ZNF211: variants seen among roughly 807,000 people sequenced by gnomAD.
ZNF211 encodes zinc finger protein 211.
A neutral mutation model predicts 12.1 loss-of-function variants in ZNF211; 18 were observed. The ratio of observed to expected loss-of-function variants is 1.48; its 90% CI spans 1.03 to 2.20. The LOEUF is 2.20. Ranked by LOEUF, ZNF211 falls within the 30% of genes most tolerant of loss-of-function variation. ZNF211 has a pLI of 0.00. For missense variants in ZNF211, 677 were observed against 703.1 expected (o/e 0.96, Z 0.42); for synonymous variants, 249 against 246.0 (o/e 1.01, Z -0.11).
At chr19:57,640,581 C>T (rs909448253) in intron 3 of ZNF211, 123 bp from the exon 4 acceptor site, 18 of 1,277,048 alleles carry the variant, frequency 1.4e-5, no homozygotes, top group South Asian at 9.3e-5. Flanking sequence ...GACCCCCCAA[C>T]TCACTTTTCC....
In ZNF211 at chr19:57,642,082, G is replaced by T. The variant is rs770655253; in HGVS notation, c.1635G>T (p.Thr545=). ...TCATTCAACACCGCAGAGTTCACAC[G>T]GGAAAAAGGCCTTATCAGTGCAGTC... ...SSLIQHRRVH[T]GKRPYQCSQC... is the part of the protein sequence containing the mutation. Residue 545 remains threonine, a synonymous_variant, in exon 4 of 4, where the codon ACG becomes ACT. Coordinates refer to ENST00000240731, the MANE Select transcript of ZNF211 (RefSeq NM_006385.5). 1 of 1,613,888 alleles carries T rather than the reference G, an allele frequency of 6.2e-7. No individual in the cohort carries two copies.
At chr19:57,633,549 G>A in intron 1 of ZNF211, 113 bp downstream of exon 1, 6 of 1,496,168 alleles carry the variant, frequency 4.0e-6, no homozygotes, top group Non-Finnish European at 5.3e-6. Flanking sequence ...CTCGTGGGTG[G>A]GGCCCCTATT....
At chr19:57,636,972 G>C (rs1160709403) in intron 3 of ZNF211, among the ~76,000 whole-genome samples, 1 of 152,106 alleles carries the variant, frequency 6.6e-6, no homozygotes, top group East Asian at 1.9e-4. Flanking sequence ...GATATAAGTG[G>C]AATTGTTTAC....
At chr19:57,639,876 A>C in intron 3 of ZNF211, 2 of 1,507,428 alleles carry the variant, frequency 1.3e-6, no homozygotes, top group South Asian at 1.2e-5. Flanking sequence ...GTTCTGGGCC[A>C]GTGTTAGTTG....
At position 57,634,123 on chromosome 19, in the gene ZNF211, A is replaced by G. The variant is rs1019287427; in HGVS notation, c.129+62A>G. On this transcript the variant is annotated intron_variant, in intron 2 of 3. Transcript: ENST00000240731. The stretch of plus-strand genomic sequence containing the variant: ...ATGTCCCTCCACCCTCCCCAGACAG[A>G]TATTTTCTTTAGATTTGTGGTGTCA... The G allele has an allele frequency of 2.8e-5, 41 of 1,484,334 alleles. No individual in the cohort carries two copies. The African/African-American group carries it at 5.5e-4, about 20-fold the overall frequency. 91.9% of individuals were successfully genotyped at this position (1,484,334 alleles called of 1,614,324 possible). A position where few individuals can be genotyped will look rare whatever the true frequency, so the allele number is the denominator to read the frequency against.
At chr19:57,638,780 C>T (rs551746838) in intron 3 of ZNF211, among the ~76,000 whole-genome samples, 79 of 152,192 alleles carry the variant, frequency 5.2e-4, no homozygotes, top group South Asian at 2.5e-3. Context: ...TTGTTCTATC[C>T]GCTGCTGAGA....
intron 3 of ZNF211, 37 bp from the exon 4 acceptor site, chr19:57,640,667 G>A: frequency 6.3e-7 from 1 of 1,599,346 alleles, no homozygotes; most frequent in Non-Finnish European, 8.5e-7. Flanking sequence ...TCCTAATAAA[G>A]GTAACATGTA....
chr19:57,638,706 C>T (rs1982452541), intron 3 of ZNF211, among the ~76,000 whole-genome samples: 1 of 152,116 alleles, frequency 6.6e-6, no homozygotes, highest in Non-Finnish European at 1.5e-5. Context: ...GGGTAGAATG[C>T]TCTTTATATA....
chr19:57,642,368 T>A lies in ZNF211; in HGVS notation c.*187T>A, dbSNP rs1983094076. Reference sequence around the variant, plus strand: ...TTAGAAAGTGTTAGACTTTCTCACCTGCCATTTATGGCTCTTGCCGTTTAT... The same window carrying A: ...TTAGAAAGTGTTAGACTTTCTCACCAGCCATTTATGGCTCTTGCCGTTTAT... On this transcript the variant is annotated 3_prime_UTR_variant, in exon 4 of 4. Transcript: ENST00000240731. 2 of 639,974 alleles carry A rather than the reference T, an allele frequency of 3.1e-6. No homozygotes were observed. Among genetic ancestry groups the A allele is most frequent in the Non-Finnish European group, 5.1e-6 (2 of 391,414 alleles). 39.6% of individuals were successfully genotyped at this position (639,974 alleles called of 1,614,324 possible).
Position 57,634,055 on chromosome 19 carries a change from T to TAA in ZNF211, c.124_125insAA (p.Thr42LysfsTer6). ...TAGCTACAGAGGTGCTTTTCAAACT[T>TAA]ACACAGGTAAGTGGAGGTATCTCAG... On this transcript the variant is annotated frameshift_variant, in exon 2 of 4. Coordinates refer to ENST00000240731, the MANE Select transcript of ZNF211 (RefSeq NM_006385.5). LOFTEE classifies it high-confidence loss of function. 6.3e-7 allele frequency: 1 copy of TAA among 1,580,248 alleles called. No individual in the cohort carries two copies. The highest frequency in any genetic ancestry group is 1.2e-5 in the South Asian group (1 of 84,992).
Position 57,640,976 on chromosome 19 carries a change from A to G in ZNF211, c.529A>G (p.Arg177Gly). ...GCAGCACATTACAGAGGCACCTTTC[A>G]GAAGTTATGTGGACACTGCCTCGTT... ...QRQHITEAPF[R>G]SYVDTASFTQ... The change falls in exon 4 of 4, where the codon AGA becomes GGA. Residue 177 changes from arginine (R) to glycine (G), a missense_variant. Transcript: ENST00000240731. The G allele has an allele frequency of 1.2e-6, 2 of 1,614,222 alleles. No individual in the cohort carries two copies. Among genetic ancestry groups the G allele is most frequent in the Non-Finnish European group, 1.7e-6 (2 of 1,180,046 alleles).
intron 3 of ZNF211, among the ~76,000 whole-genome samples, chr19:57,635,302 G>T (rs1012284547): frequency 6.6e-6 from 1 of 152,174 alleles, no homozygotes; most frequent in African/African-American, 2.4e-5. Flanking sequence ...ATATAGTTCA[G>T]CGCATTTAGT....
chr19:57,634,984 C>A (rs1189523402), intron 3 of ZNF211: 2 of 984,654 alleles, frequency 2.0e-6, no homozygotes, highest in African/African-American at 3.5e-5. Context: ...TAATAGATCC[C>A]ACCTGACTTG....
At chr19:57,635,477 G>C (rs1018504729) in intron 3 of ZNF211, among the ~76,000 whole-genome samples, 2 of 152,160 alleles carry the variant, frequency 1.3e-5, no homozygotes, top group African/African-American at 4.8e-5. Flanking sequence ...TACCTCATAT[G>C]AGTGGGATCA....
chr19:57,642,163 C>T lies in ZNF211; in HGVS notation c.1716C>T (p.His572=), dbSNP rs148051296. ...KSVLIQHQRV[H]IGEKP ...TCCTCATTCAACACCAGAGAGTTCA[C>T]ATTGGAGAAAAGCCTTAGCTGTACT... The change falls in exon 4 of 4, where the codon CAC becomes CAT. Residue 572 remains histidine, a synonymous_variant. Coordinates refer to ENST00000240731, the MANE Select transcript of ZNF211 (RefSeq NM_006385.5). 1.2e-6 allele frequency: 2 copies of T among 1,607,866 alleles called. No individual in the cohort carries two copies. The highest frequency in any genetic ancestry group is 2.7e-5 in the African/African-American group (2 of 74,790).
At chr19:57,637,755 C>T (rs543087050) in intron 3 of ZNF211, among the ~76,000 whole-genome samples, 1 of 152,134 alleles carries the variant, frequency 6.6e-6, no homozygotes, top group East Asian at 1.9e-4. Context: ...GTAATGCTGG[C>T]CATACAGAAT....
At position 57,642,482 on chromosome 19, in the gene ZNF211, T is replaced by C. The variant is rs201147090; in HGVS notation, c.*301T>C. ...TGTATCATTTACCTCCTGAACCTGC[T>C]CAAGGAAGCAGACCTCTGCTTCTCC... On this transcript the variant is annotated 3_prime_UTR_variant, in exon 4 of 4. Coordinates refer to ENST00000240731, the MANE Select transcript of ZNF211 (RefSeq NM_006385.5). 15 of 285,014 alleles carry C rather than the reference T, an allele frequency of 5.3e-5. No homozygotes were observed. In the East Asian group the frequency reaches 8.2e-4, roughly 15 times the overall value. The allele number at this position is 285,014 out of a possible 1,614,324, so 17.7% of individuals were successfully genotyped here.
chr19:57,638,501 T>C (rs1599961317), intron 3 of ZNF211, among the ~76,000 whole-genome samples: 1 of 152,212 alleles, frequency 6.6e-6, no homozygotes, highest in Admixed American at 6.5e-5. Context: ...CCATTGGTTT[T>C]TCAATATTGT....
intron 3 of ZNF211, chr19:57,639,835 T>C (rs1982647149): frequency 1.4e-6 from 2 of 1,396,402 alleles, no homozygotes; most frequent in South Asian, 1.5e-5. Flanking sequence ...TTAACTTCTT[T>C]AACTTTCCTT....
Sources: allele counts gnomAD v4.1 joint callset (sites outside exome capture counted in the v4.1 genomes callset), GRCh38; gene constraint gnomAD v4.1.1; transcripts MANE v1.5; gene names NCBI Gene and HGNC (gene_info 2026-07-23, HGNC 2026-07-21).